The following TBCE variants were observed in gnomAD, a reference collection of about 807,000 sequenced individuals.
The protein encoded by TBCE is tubulin-specific chaperone E.
TBCE carries 53 observed loss-of-function variants against 77.0 expected under a neutral mutation model. That is an observed-to-expected ratio of 0.69 (90% CI 0.55 to 0.87). TBCE has a LOEUF of 0.87. TBCE is among the 40% of genes least tolerant of loss of function. The probability of loss-of-function intolerance (pLI) is 0.00; values close to 1 mark genes in which losing one functional copy is unlikely to be tolerated. For synonymous variants in TBCE, 235 were observed against 241.3 expected (o/e 0.97, Z 0.24); for missense variants, 624 against 622.4 (o/e 1.00, Z -0.03).
chr1:235,435,832 C>G lies in TBCE; in HGVS notation c.825C>G (p.His275Gln), dbSNP rs185801847. ...IDENQLYLIA[H>Q]LPRLEQLILS... Reference sequence around the variant, plus strand: ...AAAATCAGCTGTATCTGATAGCCCACCTGCCCAGGTAATTTGCCCCTAAAT... The same window carrying G: ...AAAATCAGCTGTATCTGATAGCCCAGCTGCCCAGGTAATTTGCCCCTAAAT... The change falls in exon 9 of 17, where the codon CAC becomes CAG. Residue 275 changes from histidine to glutamine, a missense_variant. Physicochemically the swap from His to Gln is conservative, Grantham distance 24. Coordinates refer to ENST00000642610, the MANE Select transcript of TBCE (RefSeq NM_003193.5). 15 of 1,614,044 alleles carry G rather than the reference C, an allele frequency of 9.3e-6. No homozygotes were observed. The highest frequency in any genetic ancestry group is 8.0e-5 in the African/African-American group (6 of 75,058).
intron 2 of TBCE, among the ~76,000 whole-genome samples, chr1:235,383,902 A>T (rs1392134892): frequency 3.9e-5 from 6 of 152,148 alleles, no homozygotes; most frequent in Admixed American, 2.0e-4. Flanking sequence ...GCCAGTTTTC[A>T]AAGGGAATGC....
chr1:235,435,245 C>G (rs917113623), intron 8 of TBCE, among the ~76,000 whole-genome samples: 3 of 151,834 alleles, frequency 2.0e-5, no homozygotes, highest in Admixed American at 1.3e-4. Context: ...GGACTACAGG[C>G]ACGTGCCACC....
At chr1:235,448,280 T>C (rs1682591108) in intron 15 of TBCE, 69 bp from the exon 16 acceptor site, 3 of 1,023,214 alleles carry the variant, frequency 2.9e-6, no homozygotes, top group Admixed American at 1.7e-5. Context: ...TGTGGTCTCA[T>C]CACATGAGCT....
chr1:235,393,370 C>G (rs1015639364), intron 2 of TBCE, among the ~76,000 whole-genome samples: 2 of 152,122 alleles, frequency 1.3e-5, no homozygotes, highest in Admixed American at 1.3e-4. Flanking sequence ...AACCCTGTCT[C>G]TACTAAAAAT....
intron 7 of TBCE, among the ~76,000 whole-genome samples, chr1:235,432,273 T>C (rs1681150881): frequency 1.3e-5 from 2 of 152,140 alleles, no homozygotes; most frequent in Admixed American, 1.3e-4. Context: ...CGTGAGCCAC[T>C]GTGCCCAGCT....
In TBCE at chr1:235,380,103, A is replaced by G; in HGVS notation, c.54A>G (p.Gly18=). The G allele has an allele frequency of 6.2e-7, 1 of 1,613,566 alleles. No individual in the cohort carries two copies. The highest frequency in any genetic ancestry group is 1.1e-5 in the South Asian group (1 of 91,074). The change falls in exon 2 of 17, where the codon GGA becomes GGG. Residue 18 remains glycine (G), a synonymous_variant. Transcript: ENST00000642610. ...TTGGTCGAAGAGTTGAAGTTAATGG[A>G]GAACATGCAACAGTACGTTTTGCTG... is the stretch of plus-strand genomic sequence containing the variant. ...DVIGRRVEVN[G]EHATVRFAGV...
intron 2 of TBCE, among the ~76,000 whole-genome samples, chr1:235,382,206 G>A (rs78242755): frequency 6.6e-6 from 1 of 151,312 alleles, no homozygotes; most frequent in Non-Finnish European, 1.5e-5. Flanking sequence ...TCTTAATCCA[G>A]TCTATCATTG....
At chr1:235,371,480 A>G (rs1427461052) in intron 1 of TBCE, among the ~76,000 whole-genome samples, 3 of 145,658 alleles carry the variant, frequency 2.1e-5, no homozygotes, top group Non-Finnish European at 4.5e-5. Flanking sequence ...GGTTCAAGTG[A>G]TTCTCCCACC....
At chr1:235,393,975 ATTAAG>A (rs750782771) in intron 2 of TBCE, among the ~76,000 whole-genome samples, 3 of 152,200 alleles carry the variant, frequency 2.0e-5, no homozygotes, top group Non-Finnish European at 4.4e-5. Context: ...TAAGTAGGTA[ATTAAG>A]TTATTTATTT....
intron 15 of TBCE, among the ~76,000 whole-genome samples, chr1:235,446,935 A>G (rs1572460167): frequency 6.6e-6 from 1 of 152,064 alleles, no homozygotes; most frequent in Non-Finnish European, 1.5e-5. Context: ...TCTGCCTCCC[A>G]AAGTGCTGGG....
chr1:235,424,506 T>G (rs561610354), intron 5 of TBCE, among the ~76,000 whole-genome samples: 4 of 151,460 alleles, frequency 2.6e-5, no homozygotes, highest in East Asian at 3.9e-4. Flanking sequence ...GTTTTTGTTT[T>G]TTTTTTTTCT....
At chr1:235,438,352 C>T (rs1681598605) in intron 12 of TBCE, among the ~76,000 whole-genome samples, 1 of 152,094 alleles carries the variant, frequency 6.6e-6, no homozygotes, top group Admixed American at 6.6e-5. Flanking sequence ...TCGAGACCAT[C>T]CTGGCTAACA....
intron 2 of TBCE, among the ~76,000 whole-genome samples, chr1:235,381,910 C>G (rs1178760426): frequency 2.7e-5 from 4 of 145,488 alleles, no homozygotes; most frequent in African/African-American, 1.0e-4. Context: ...GTGTGCTGCA[C>G]CCATTAACTC....
At chr1:235,413,160 T>C (rs1282634254) in intron 3 of TBCE, among the ~76,000 whole-genome samples, 2 of 152,122 alleles carry the variant, frequency 1.3e-5, no homozygotes, top group African/African-American at 4.8e-5. Flanking sequence ...TAATGGTTGT[T>C]GCCTGGGCAA....
At chr1:235,430,417 G>C (rs1291107745) in intron 6 of TBCE, 10 of 327,838 alleles carry the variant, frequency 3.1e-5, no homozygotes, top group South Asian at 2.5e-4. Context: ...CCTTGCAAAT[G>C]CCTGAGTTTT....
intron 1 of TBCE, 55 bp from the exon 2 acceptor site, chr1:235,379,964 A>AG (rs1677522780): frequency 2.5e-6 from 3 of 1,216,116 alleles, no homozygotes; most frequent in Non-Finnish European, 3.5e-6. Flanking sequence ...AAAAAAAAAA[A>AG]TTCCTTTAAA....
chr1:235,443,156 G>A (rs188289670), intron 15 of TBCE, among the ~76,000 whole-genome samples: 1 of 150,242 alleles, frequency 6.7e-6, no homozygotes, highest in Non-Finnish European at 1.5e-5. Context: ...GGAAGCCCCT[G>A]CATATAATTA....
At chr1:235,369,694 G>A (rs1050783155) in intron 1 of TBCE, among the ~76,000 whole-genome samples, 3 of 151,938 alleles carry the variant, frequency 2.0e-5, no homozygotes, top group Admixed American at 1.3e-4. Context: ...AGGTGTGGTG[G>A]TGTGTGTCTG....
intron 2 of TBCE, among the ~76,000 whole-genome samples, chr1:235,390,494 G>C (rs1678311572): frequency 2.0e-5 from 3 of 152,158 alleles, no homozygotes; most frequent in Non-Finnish European, 2.9e-5. Context: ...GCTCACACCT[G>C]TAGTCCCAGC....
Sources: allele counts gnomAD v4.1 joint callset (sites outside exome capture counted in the v4.1 genomes callset), GRCh38; gene constraint gnomAD v4.1.1; transcripts MANE v1.5; gene names NCBI Gene and HGNC (gene_info 2026-07-23, HGNC 2026-07-21).